PCSK5: variants seen among roughly 807,000 people sequenced by gnomAD.
PCSK5 encodes prohormone convertase 5.
In PCSK5, 129 loss-of-function variants were observed where a neutral mutation model predicts 233.2. The observed-to-expected ratio is 0.55, with a 90% CI of 0.48 to 0.64. PCSK5 has a LOEUF of 0.64. PCSK5 is among the 30% of genes least tolerant of loss of function. The pLI is 0.00. For missense variants in PCSK5, 2,076 were observed against 2,430.1 expected, an observed-to-expected ratio of 0.85 and a Z score of 3.06; for synonymous variants, 825 against 879.2, an observed-to-expected ratio of 0.94 and a Z score of 1.09.
At chr9:76,313,034 T>C (rs1828910877) in intron 30 of PCSK5, among the ~76,000 whole-genome samples, 1 of 152,194 alleles carries the variant, frequency 6.6e-6, no homozygotes, top group South Asian at 2.1e-4. Flanking sequence ...CGTCCAGGTA[T>C]TGTGCTAAGG....
chr9:76,015,028 GA>G (rs1827890426), intron 3 of PCSK5, among the ~76,000 whole-genome samples: 1 of 152,174 alleles, frequency 6.6e-6, no homozygotes, highest in South Asian at 2.1e-4. Flanking sequence ...TGGGGGCTGA[GA>G]AGTCCTGTGA....
chr9:76,004,215 T>TAA (rs1446329981), intron 3 of PCSK5, among the ~76,000 whole-genome samples: 31 of 152,100 alleles, frequency 2.0e-4, no homozygotes, highest in Admixed American at 1.8e-3. Context: ...AGGCCAGGCT[T>TAA]ATGGTTTGTA....
chr9:76,002,632 G>A (rs997055456), intron 3 of PCSK5, among the ~76,000 whole-genome samples: 1 of 152,198 alleles, frequency 6.6e-6, no homozygotes, highest in African/African-American at 2.4e-5. Context: ...AGTTTGTCCA[G>A]AGGGTACATT....
chr9:75,933,838 T>C (rs553321413), intron 2 of PCSK5, among the ~76,000 whole-genome samples: 1 of 152,326 alleles, frequency 6.6e-6, no homozygotes, highest in Non-Finnish European at 1.5e-5. Context: ...AAAGTCATAT[T>C]TTTCATCTCA....
intron 2 of PCSK5, among the ~76,000 whole-genome samples, chr9:75,957,551 G>C (rs1182195928): frequency 1.3e-5 from 2 of 152,098 alleles, no homozygotes; most frequent in African/African-American, 4.8e-5. Context: ...ATAGTTTTAG[G>C]ATTTTGGCTA....
intron 24 of PCSK5, among the ~76,000 whole-genome samples, chr9:76,272,802 A>AAAAAAT (rs1827563063): frequency 7.1e-6 from 1 of 141,282 alleles, no homozygotes; most frequent in Non-Finnish European, 1.5e-5. Flanking sequence ...AAAAAAAAAA[A>AAAAAAT]TTCACACTCC....
At chr9:76,069,614 C>CT (rs1168880273) in intron 6 of PCSK5, among the ~76,000 whole-genome samples, 2 of 152,008 alleles carry the variant, frequency 1.3e-5, no homozygotes, top group South Asian at 2.1e-4. Context: ...AAGTAAAATT[C>CT]TTTTTTTGTG....
At chr9:76,127,608 A>G (rs1231956318) in intron 9 of PCSK5, among the ~76,000 whole-genome samples, 1 of 152,268 alleles carries the variant, frequency 6.6e-6, no homozygotes, top group Non-Finnish European at 1.5e-5. Context: ...TGTTAGTGAA[A>G]CTAAAAAACA....
intron 20 of PCSK5, among the ~76,000 whole-genome samples, chr9:76,206,550 C>G (rs546729288): frequency 6.6e-6 from 1 of 152,334 alleles, no homozygotes; most frequent in East Asian, 1.9e-4. Flanking sequence ...CAGGGCACAG[C>G]TAATTGTCTC....
At chr9:76,163,399 C>T (rs548596989) in intron 12 of PCSK5, among the ~76,000 whole-genome samples, 6 of 152,328 alleles carry the variant, frequency 3.9e-5, no homozygotes, top group South Asian at 2.1e-4. Flanking sequence ...AGGTGCTAAG[C>T]GCTGGAAGGC....
intron 1 of PCSK5, among the ~76,000 whole-genome samples, chr9:75,924,215 A>C (rs572023386): frequency 3.0e-4 from 45 of 152,274 alleles, no homozygotes; most frequent in African/African-American, 9.9e-4. Flanking sequence ...CCCTGATTTA[A>C]AAATATCTAT....
At chr9:76,021,886 C>T (rs952305897) in intron 3 of PCSK5, among the ~76,000 whole-genome samples, 24 of 152,318 alleles carry the variant, frequency 1.6e-4, no homozygotes, top group African/African-American at 5.5e-4. Flanking sequence ...TTTCTGCCTT[C>T]TGTGCCATTC....
At chr9:75,950,055 A>G (rs2131321018) in intron 2 of PCSK5, among the ~76,000 whole-genome samples, 1 of 140,662 alleles carries the variant, frequency 7.1e-6, no homozygotes, top group South Asian at 2.2e-4. Context: ...AGACAAACTC[A>G]TTCTGCACCT....
At position 76,276,086 on chromosome 9, in the gene PCSK5, A is replaced by AC. The variant is rs554139624; in HGVS notation, c.3143-16143dup. On this transcript the variant is annotated intron_variant, in intron 24 of 37. Coordinates refer to ENST00000674117, the MANE Select transcript of PCSK5 (RefSeq NM_001372043.1). ...GGCCGCGGAGTAATCCCATTCCCTCACCCCACACATCTTATCATTTAATAT... is the reference window on the plus strand; with the variant it reads ...GGCCGCGGAGTAATCCCATTCCCTCACCCCCACACATCTTATCATTTAATAT... Among the ~76,000 whole-genome samples, 4 of 152,020 alleles carry AC rather than the reference A, an allele frequency of 2.6e-5. No homozygotes were observed. The South Asian group carries it at 8.3e-4, about 32-fold the overall frequency.
At chr9:76,265,065 A>G (rs1827291964) in intron 24 of PCSK5, among the ~76,000 whole-genome samples, 1 of 152,180 alleles carries the variant, frequency 6.6e-6, no homozygotes, top group South Asian at 2.1e-4. Context: ...ACCATGGACT[A>G]CTATGCAGCC....
At chr9:76,187,370 G>A (rs1303050797) in intron 17 of PCSK5, among the ~76,000 whole-genome samples, 1 of 151,708 alleles carries the variant, frequency 6.6e-6, no homozygotes, top group Non-Finnish European at 1.5e-5. Context: ...ATTAACTATT[G>A]TAATTTTTTT....
At chr9:76,113,489 A>C (rs1832303616) in intron 9 of PCSK5, among the ~76,000 whole-genome samples, 2 of 152,106 alleles carry the variant, frequency 1.3e-5, no homozygotes, top group African/African-American at 4.8e-5. Context: ...AATCTCTCTT[A>C]CCTACATGTT....
At chr9:75,907,211 A>G (rs1273597960) in intron 1 of PCSK5, among the ~76,000 whole-genome samples, 1 of 151,996 alleles carries the variant, frequency 6.6e-6, no homozygotes, top group Non-Finnish European at 1.5e-5. Flanking sequence ...TTCGGTCTAC[A>G]GGGACTTAAT....
chr9:75,991,163 A>G (rs1259470776), intron 3 of PCSK5, among the ~76,000 whole-genome samples: 1 of 152,176 alleles, frequency 6.6e-6, no homozygotes, highest in Non-Finnish European at 1.5e-5. Flanking sequence ...TTTACCAGGG[A>G]CTGACCCTGG....
Sources: allele counts gnomAD v4.1 joint callset (sites outside exome capture counted in the v4.1 genomes callset), GRCh38; gene constraint gnomAD v4.1.1; transcripts MANE v1.5; gene names NCBI Gene and HGNC (gene_info 2026-07-23, HGNC 2026-07-21).